ZNF154: variants seen among roughly 807,000 people sequenced by gnomAD.
The protein encoded by ZNF154 is zinc finger protein 154 (pHZ-92).
Under a neutral mutation model 7.5 loss-of-function variants are expected in ZNF154, and 6 were observed. The observed-to-expected ratio is 0.80, with a 90% CI of 0.44 to 1.57. The LOEUF (loss-of-function observed/expected upper bound fraction) is 1.57, where lower values mean the gene tolerates loss of function less well. Among genes scored for constraint, ZNF154 ranks in the 40% most tolerant of loss-of-function variants. The probability of loss-of-function intolerance (pLI) is 0.01; values close to 1 mark genes in which losing one functional copy is unlikely to be tolerated. For missense variants in ZNF154, 485 were observed against 531.4 expected, an observed-to-expected ratio of 0.91 and a Z score of 0.86; for synonymous variants, 187 against 185.9, an observed-to-expected ratio of 1.01 and a Z score of -0.05.
intron 1 of ZNF154, among the ~76,000 whole-genome samples, chr19:57,707,731 A>G (rs532543619): frequency 5.9e-5 from 9 of 152,172 alleles, no homozygotes; most frequent in Non-Finnish European, 1.3e-4. Context: ...AAACAGATCT[A>G]TGGTTTCCTC....
intron 1 of ZNF154, among the ~76,000 whole-genome samples, chr19:57,706,659 A>T (rs897046898): frequency 6.6e-6 from 1 of 152,168 alleles, no homozygotes; most frequent in South Asian, 2.1e-4. Context: ...CACCTGCCCA[A>T]CTATCCTCTC....
chr19:57,701,540 T>G lies in ZNF154; in HGVS notation c.*95A>C, dbSNP rs1014007161. 3.0e-6 allele frequency: 4 copies of G among 1,332,730 alleles called. No homozygotes were observed. Among genetic ancestry groups the G allele is most frequent in the Non-Finnish European group, 4.1e-6 (4 of 972,796 alleles). 82.6% of individuals were successfully genotyped at this position (1,332,730 alleles called of 1,614,324 possible). On this transcript the variant is annotated 3_prime_UTR_variant, in exon 3 of 3. Transcript: ENST00000684351. ...GAACTGTGTGGCACTCAATGAGATA[T>G]GGCCTTCAGCTGAAGCTTTCTGACA...
rs569560310 is a variant in ZNF154 at position 57,698,583 on chromosome 19, CATTT to C, written c.*3048_*3051del. 2 of 152,038 alleles carry C rather than the reference CATTT, an allele frequency of 1.3e-5. No homozygotes were observed. The highest frequency in any genetic ancestry group is 6.6e-5 in the Admixed American group (1 of 15,260). 9.4% of individuals were successfully genotyped at this position (152,038 alleles called of 1,614,324 possible). ...CAAATTATATAGTTTAAATATGTAC[CATTT>C]ATTCTTATTAAAATTATTATCAGGT... On this transcript the variant is annotated 3_prime_UTR_variant, in exon 3 of 3. Transcript: ENST00000684351.
Position 57,701,571 on chromosome 19 carries a change from T to C in ZNF154, c.*64A>G. The C allele has an allele frequency of 1.3e-6, 2 of 1,527,002 alleles. No individual in the cohort carries two copies. The highest frequency in any genetic ancestry group is 1.2e-5 in the South Asian group (1 of 80,324). 94.6% of individuals were successfully genotyped at this position (1,527,002 alleles called of 1,614,324 possible). A position where few individuals can be genotyped will look rare whatever the true frequency, so the allele number is the denominator to read the frequency against. Reference sequence around the variant, plus strand: ...TCAGCTGAAGCTTTCTGACATTCACTGTGTACTCAAGGACTTTCTCCAGGG... The same window carrying C: ...TCAGCTGAAGCTTTCTGACATTCACCGTGTACTCAAGGACTTTCTCCAGGG... On this transcript the variant is annotated 3_prime_UTR_variant, in exon 3 of 3. Coordinates refer to ENST00000684351, the MANE Select transcript of ZNF154 (RefSeq NM_001085384.3).
rs952519489 is a variant in ZNF154, at chr19:57,702,383, T to C, written c.566A>G (p.Tyr189Cys). The change falls in exon 3 of 3, where the codon TAT (tyrosine) becomes TGT (cysteine). Residue 189 changes from tyrosine to cysteine, a missense_variant. Coordinates refer to ENST00000684351, the MANE Select transcript of ZNF154 (RefSeq NM_001085384.3). Reference protein sequence around the residue: ...HWRLHTGEKPYECRECGKSFR... With the variant: ...HWRLHTGEKPCECRECGKSFR... ...GGACTTCCCACACTCTCGACATTCA[T>C]AAGGCTTTTCTCCAGTGTGAAGTCT... 1 of 1,612,844 alleles carries C rather than the reference T, an allele frequency of 6.2e-7. No homozygotes were observed. The highest frequency in any genetic ancestry group is 1.3e-5 in the African/African-American group (1 of 75,012).
chr19:57,702,243 G>A lies in ZNF154; in HGVS notation c.706C>T (p.Arg236Trp), dbSNP rs186291935. The A allele has an allele frequency of 2.3e-5, 37 of 1,614,162 alleles. No individual in the cohort carries two copies. The highest frequency in any genetic ancestry group is 1.6e-4 in the Middle Eastern group (1 of 6,062). ...GGCCTTTCCCCAGTGTGAACTCTCC[G>A]ATGTTTAATGAGGTTAGACTTGTTG... ...FSNKSNLIKH[R>W]RVHTGERPYE... Residue 236 changes from arginine (R) to tryptophan (W), a missense_variant, in exon 3 of 3, where the codon CGG (arginine) becomes TGG (tryptophan). Coordinates refer to ENST00000684351, the MANE Select transcript of ZNF154 (RefSeq NM_001085384.3).
intron 2 of ZNF154, 133 bp downstream of exon 2, chr19:57,704,720 G>T: frequency 7.8e-7 from 1 of 1,278,488 alleles, no homozygotes; most frequent in Non-Finnish European, 1.1e-6. Context: ...TCTTACCAAT[G>T]ACAGAACTAT....
At position 57,699,606 on chromosome 19, in the gene ZNF154, A is replaced by G. The variant is rs1218350776; in HGVS notation, c.*2029T>C. 5 of 184,558 alleles carry G rather than the reference A, an allele frequency of 2.7e-5. No individual in the cohort carries two copies. In the Middle Eastern group the frequency reaches 5.2e-3, roughly 193 times the overall value. The allele number at this position is 184,558 out of a possible 1,614,324, so 11.4% of individuals were successfully genotyped here. ...ATTAGAAGCTGATCCTCTTACAACT[A>G]CATGAGAAGTTGCCTAAGAACTCAA... On this transcript the variant is annotated 3_prime_UTR_variant, in exon 3 of 3. Transcript: ENST00000684351.
Position 57,699,562 on chromosome 19 carries a change from A to G in ZNF154, c.*2073T>C, listed in dbSNP as rs113654068. On this transcript the variant is annotated 3_prime_UTR_variant, in exon 3 of 3. Transcript: ENST00000684351. ...AGTGGCCAGCCACTGGAAGTTGACAATGACCAATTGAGAGCAATATTAGAA... is the reference window on the plus strand; with the variant it reads ...AGTGGCCAGCCACTGGAAGTTGACAGTGACCAATTGAGAGCAATATTAGAA... 454 of 260,134 alleles carry G rather than the reference A, an allele frequency of 1.7e-3. 7 individuals are homozygous for G. The highest frequency in any genetic ancestry group is 9.2e-3 in the African/African-American group (416 of 45,092). 16.1% of individuals were successfully genotyped at this position (260,134 alleles called of 1,614,324 possible).
At position 57,701,800 on chromosome 19, in the gene ZNF154, T is replaced by G. The variant is rs1985154178; in HGVS notation, c.1149A>C (p.Arg383Ser). 6.2e-7 allele frequency: 1 copy of G among 1,611,968 alleles called. No homozygotes were observed. The highest frequency in any genetic ancestry group is 1.7e-5 in the Admixed American group (1 of 59,826). Reference protein sequence around the residue: ...RKHQRVHTGSRPYECSECGKS... With the variant: ...RKHQRVHTGSSPYECSECGKS... ...TCCCACATTCACTGCACTCATAGGGTCTTGATCCAGTGTGAACTCTCTGGT... is the reference window on the plus strand; with the variant it reads ...TCCCACATTCACTGCACTCATAGGGGCTTGATCCAGTGTGAACTCTCTGGT... Residue 383 changes from arginine to serine, a missense_variant, in exon 3 of 3, where the codon AGA becomes AGC. Coordinates refer to ENST00000684351, the MANE Select transcript of ZNF154 (RefSeq NM_001085384.3).
Position 57,702,206 on chromosome 19 carries a change from C to T in ZNF154, c.743G>A (p.Ser248Asn). 6.2e-7 allele frequency: 1 copy of T among 1,614,216 alleles called. No individual in the cohort carries two copies. The highest frequency in any genetic ancestry group is 8.5e-7 in the Non-Finnish European group (1 of 1,180,030). ...VHTGERPYEC[S>N]ECGKSFSQRS... ...TTGGCTAAAGGATTTCCCACATTCA[C>T]TGCACTCATATGGCCTTTCCCCAGT... The change falls in exon 3 of 3, where the codon AGT (serine) becomes AAT (asparagine). Residue 248 changes from serine (S) to asparagine (N), a missense_variant. Coordinates refer to ENST00000684351, the MANE Select transcript of ZNF154 (RefSeq NM_001085384.3).
rs1984923633 is a variant in ZNF154 at position 57,697,055 on chromosome 19, G to A, written c.*4580C>T. Among the ~76,000 whole-genome samples the A allele has an allele frequency of 6.6e-6, 1 of 152,124 alleles. No individual in the cohort carries two copies. The highest frequency in any genetic ancestry group is 6.5e-5 in the Admixed American group (1 of 15,268). The stretch of plus-strand genomic sequence containing the variant: ...CTGTCAAATTCGTATTTGAGGACTT[G>A]TTGTTGTTTATCTTGAAAACGTGTG... On this transcript the variant is annotated 3_prime_UTR_variant, in exon 3 of 3. Coordinates refer to ENST00000684351, the MANE Select transcript of ZNF154 (RefSeq NM_001085384.3).
chr19:57,707,128 A>AAAAAAAAAAAAAAAAAAC (rs1985426783), intron 1 of ZNF154, among the ~76,000 whole-genome samples: 1 of 148,424 alleles, frequency 6.7e-6, no homozygotes, highest in Non-Finnish European at 1.5e-5. Flanking sequence ...AAAAAAAAAA[A>AAAAAAAAAAAAAAAAAAC]AAATAGAACA....
Position 57,704,960 on chromosome 19 carries a change from T to A in ZNF154, c.53A>T (p.Asp18Val), listed in dbSNP as rs932045199. 5.0e-6 allele frequency: 8 copies of A among 1,612,132 alleles called. No homozygotes were observed. Among genetic ancestry groups the A allele is most frequent in the African/African-American group, 2.7e-5 (2 of 74,660 alleles). Reference sequence around the variant, plus strand: ...CTCCCAGGAGAAGTGTACGGCCACATCTTCAAAGGTCACAGTGCCCTGCCA... The same window carrying A: ...CTCCCAGGAGAAGTGTACGGCCACAACTTCAAAGGTCACAGTGCCCTGCCA... ...TPTQGTVTFE[D>V]VAVHFSWEEW... Residue 18 changes from aspartate (D) to valine (V), a missense_variant, in exon 2 of 3, where the codon GAT becomes GTT. Asp to Val is a radical substitution (Grantham distance 152). Coordinates refer to ENST00000684351, the MANE Select transcript of ZNF154 (RefSeq NM_001085384.3).
intron 1 of ZNF154, 80 bp from the exon 2 acceptor site, chr19:57,705,059 C>A: frequency 6.6e-7 from 1 of 1,507,090 alleles, no homozygotes; most frequent in Admixed American, 2.3e-5. Context: ...ATCTTTACCC[C>A]ATGCCCATTC....
At chr19:57,704,287 A>G (rs1174559667) in intron 2 of ZNF154, among the ~76,000 whole-genome samples, 1 of 152,200 alleles carries the variant, frequency 6.6e-6, no homozygotes, top group Non-Finnish European at 1.5e-5. Flanking sequence ...CTGATACAGC[A>G]TCTGGATAAT....
intron 1 of ZNF154, among the ~76,000 whole-genome samples, chr19:57,707,549 A>G (rs1019276037): frequency 6.6e-6 from 1 of 151,822 alleles, no homozygotes; most frequent in Non-Finnish European, 1.5e-5. Flanking sequence ...TCTTCCCTCA[A>G]CCCCACAGTC....
Position 57,702,043 on chromosome 19 carries a change from CTCA to C in ZNF154, c.903_905del (p.Tyr301_Glu302delinsTer), listed in dbSNP as rs1359787054. 2.8e-5 allele frequency: 45 copies of C among 1,613,404 alleles called. No individual in the cohort carries two copies. Among genetic ancestry groups the C allele is most frequent in the Non-Finnish European group, 3.8e-5 (45 of 1,179,960 alleles). On this transcript the variant is annotated stop_gained and inframe_deletion, in exon 3 of 3. Coordinates refer to ENST00000684351, the MANE Select transcript of ZNF154 (RefSeq NM_001085384.3). LOFTEE classifies it low-confidence loss of function (END_TRUNC). ...TAAATGACTTCCCACATTCGCTGCA[CTCA>C]TAAGGCCTGGATCCACTGTGAACTT...
chr19:57,708,128 G>C, intron 1 of ZNF154, among the ~76,000 whole-genome samples: 1 of 152,166 alleles, frequency 6.6e-6, no homozygotes, highest in East Asian at 1.9e-4. Context: ...CCTGAACTCA[G>C]GCTGGCTGTT....
Sources: allele counts gnomAD v4.1 joint callset (sites outside exome capture counted in the v4.1 genomes callset), GRCh38; gene constraint gnomAD v4.1.1; transcripts MANE v1.5; gene names NCBI Gene and HGNC (gene_info 2026-07-23, HGNC 2026-07-21).